The following RALYL variants were observed in gnomAD, a reference collection of about 807,000 sequenced individuals.
RALYL encodes the protein RNA-binding Raly-like protein.
In RALYL, 29 loss-of-function variants were observed where a neutral mutation model predicts 35.1. The ratio of observed to expected loss-of-function variants is 0.83; its 90% CI spans 0.61 to 1.13. The LOEUF is 1.13. Ranked by LOEUF, RALYL falls within the 50% of genes most tolerant of loss-of-function variation. The pLI is 0.00. For missense variants in RALYL, 359 were observed against 360.4 expected (o/e 1.00, Z 0.03); for synonymous variants, 120 against 127.6 (o/e 0.94, Z 0.40).
intron 1 of RALYL, among the ~76,000 whole-genome samples, chr8:84,197,870 C>A (rs1337878557): frequency 6.7e-6 from 1 of 150,328 alleles, no homozygotes; most frequent in Non-Finnish European, 1.5e-5. Flanking sequence ...TGTTTGTTTT[C>A]TTGTTTGATG....
At chr8:84,803,324 T>A (rs1438624540) in intron 3 of RALYL, among the ~76,000 whole-genome samples, 1 of 152,234 alleles carries the variant, frequency 6.6e-6, no homozygotes, top group African/African-American at 2.4e-5. Flanking sequence ...AGAATCCCCC[T>A]CATTTCTTCA....
intron 1 of RALYL, among the ~76,000 whole-genome samples, chr8:84,276,673 GA>G (rs1476357504): frequency 3.9e-5 from 6 of 152,232 alleles, no homozygotes; most frequent in African/African-American, 9.6e-5. Context: ...AGATGAAAAG[GA>G]ATTTAAGAAG....
chr8:84,437,046 C>G (rs932745677), intron 1 of RALYL, among the ~76,000 whole-genome samples: 1 of 151,958 alleles, frequency 6.6e-6, no homozygotes, highest in Admixed American at 6.6e-5. Context: ...TGTAGTAGTC[C>G]CAATGTTTAT....
intron 2 of RALYL, among the ~76,000 whole-genome samples, chr8:84,718,714 G>A (rs904704644): frequency 2.0e-5 from 3 of 151,802 alleles, no homozygotes; most frequent in African/African-American, 4.8e-5. Context: ...GCAGTGAGCC[G>A]AGATCGCACC....
chr8:84,686,561 C>T (rs1447085161), intron 2 of RALYL, among the ~76,000 whole-genome samples: 2 of 152,042 alleles, frequency 1.3e-5, no homozygotes, highest in Non-Finnish European at 2.9e-5. Flanking sequence ...CATGCCACCA[C>T]GCCCAGCTAA....
At chr8:84,398,616 AC>A (rs1720049945) in intron 1 of RALYL, among the ~76,000 whole-genome samples, 1 of 152,184 alleles carries the variant, frequency 6.6e-6, no homozygotes, top group Non-Finnish European at 1.5e-5. Flanking sequence ...GATACATGGA[AC>A]ATATGTCTGA....
intron 3 of RALYL, among the ~76,000 whole-genome samples, chr8:84,788,040 A>T (rs1374857689): frequency 6.6e-6 from 1 of 152,174 alleles, no homozygotes; most frequent in East Asian, 1.9e-4. Context: ...CCATTTGTTA[A>T]TGTTGGCTTT....
intron 2 of RALYL, among the ~76,000 whole-genome samples, chr8:84,670,070 G>C (rs1832905862): frequency 6.6e-6 from 1 of 151,628 alleles, no homozygotes; most frequent in South Asian, 2.1e-4. Flanking sequence ...TCTGAAACAG[G>C]GCTCTTTTTT....
At chr8:84,673,050 T>A (rs545650675) in intron 2 of RALYL, among the ~76,000 whole-genome samples, 8 of 152,352 alleles carry the variant, frequency 5.3e-5, no homozygotes, top group South Asian at 2.1e-4. Flanking sequence ...ATTTTTTGAC[T>A]TTTTAATAGT....
chr8:84,907,004 GGC>G (rs1417728485), intron 8 of RALYL: 9 of 982,746 alleles, frequency 9.2e-6, no homozygotes, highest in Non-Finnish European at 1.1e-5. Flanking sequence ...TGAAAGTTCA[GGC>G]CTTTGGAAAG....
At chr8:84,908,563 T>C (rs373259191) in intron 8 of RALYL, among the ~76,000 whole-genome samples, 1 of 152,196 alleles carries the variant, frequency 6.6e-6, no homozygotes, top group Non-Finnish European at 1.5e-5. Context: ...TAGTATTCCA[T>C]TGTGTATATA....
chr8:84,536,845 CA>C (rs1288226835), intron 2 of RALYL, among the ~76,000 whole-genome samples: 4 of 152,150 alleles, frequency 2.6e-5, no homozygotes, highest in African/African-American at 7.2e-5. Flanking sequence ...GTTAGTGCTT[CA>C]GCTACTTTAA....
chr8:84,469,778 A>C (rs2133652687), intron 1 of RALYL, among the ~76,000 whole-genome samples: 1 of 152,138 alleles, frequency 6.6e-6, no homozygotes, highest in African/African-American at 2.4e-5. Context: ...CTGCTGTGCT[A>C]GCAATCAGCG....
intron 1 of RALYL, among the ~76,000 whole-genome samples, chr8:84,299,325 A>T (rs969933353): frequency 6.6e-6 from 1 of 152,062 alleles, no homozygotes; most frequent in Non-Finnish European, 1.5e-5. Context: ...AGCCTACTTG[A>T]TCGTGGTGGA....
intron 1 of RALYL, among the ~76,000 whole-genome samples, chr8:84,241,645 G>T (rs1323247615): frequency 2.6e-5 from 4 of 151,944 alleles, no homozygotes; most frequent in Non-Finnish European, 4.4e-5. Context: ...GGGCTTGGGG[G>T]TGCGTGCCTG....
chr8:84,468,642 G>A (rs901402544), intron 1 of RALYL, among the ~76,000 whole-genome samples: 1 of 147,772 alleles, frequency 6.8e-6, no homozygotes, highest in Admixed American at 6.8e-5. Flanking sequence ...TCTTCTCGAG[G>A]AGTATCTTTG....
At chr8:84,893,178 C>A (rs1456184085) in intron 8 of RALYL, among the ~76,000 whole-genome samples, 1 of 152,108 alleles carries the variant, frequency 6.6e-6, no homozygotes, top group Non-Finnish European at 1.5e-5. Flanking sequence ...TGAAGGATGA[C>A]AAATTAGAGA....
At chr8:84,713,289 T>G (rs1012098315) in intron 2 of RALYL, among the ~76,000 whole-genome samples, 8 of 152,042 alleles carry the variant, frequency 5.3e-5, no homozygotes, top group Non-Finnish European at 1.5e-5. Context: ...CTGGACTTTC[T>G]ATTCTGATTA....
intron 2 of RALYL, among the ~76,000 whole-genome samples, chr8:84,685,322 A>G (rs771083479): frequency 1.3e-5 from 2 of 152,040 alleles, no homozygotes; most frequent in Non-Finnish European, 2.9e-5. Flanking sequence ...TTCTCTACCC[A>G]TTGTAACCCA....
Sources: allele counts gnomAD v4.1 joint callset (sites outside exome capture counted in the v4.1 genomes callset), GRCh38; gene constraint gnomAD v4.1.1; transcripts MANE v1.5; gene names NCBI Gene and HGNC (gene_info 2026-07-23, HGNC 2026-07-21).